DIPK2A: variants seen among roughly 807,000 people sequenced by gnomAD.
DIPK2A encodes the protein Golgi Protein of 49 kDa.
A neutral mutation model predicts 39.0 loss-of-function variants in DIPK2A; 27 were observed. The ratio of observed to expected loss-of-function variants is 0.69; its 90% confidence interval spans 0.51 to 0.96. The LOEUF is 0.96. Among genes scored for constraint, DIPK2A ranks in the 40% least tolerant of loss-of-function variants. The pLI, the probability that DIPK2A is intolerant of heterozygous loss-of-function variation, is 0.00. For missense variants in DIPK2A, 528 were observed against 571.3 expected, an observed-to-expected ratio of 0.92 and a Z score of 0.77; for synonymous variants, 298 against 240.8, an observed-to-expected ratio of 1.24 and a Z score of -2.20.
chr3:143,985,506 C>G (rs1293239068), intron 1 of DIPK2A, 37 bp from the exon 2 acceptor site: 1 of 1,553,064 alleles, frequency 6.4e-7, no homozygotes, highest in South Asian at 1.1e-5. Flanking sequence ...ATATTTTCAT[C>G]AGAATCTCTT....
intron 1 of DIPK2A, 93 bp downstream of exon 1, chr3:143,973,082 G>C: frequency 6.9e-7 from 1 of 1,451,780 alleles, no homozygotes. Context: ...CTTGCCGCCA[G>C]TTCGGACTCG....
intron 1 of DIPK2A, among the ~76,000 whole-genome samples, chr3:143,977,025 T>C (rs2087740384): frequency 2.6e-5 from 4 of 152,104 alleles, no homozygotes; most frequent in Non-Finnish European, 4.4e-5. Flanking sequence ...AACCATACTT[T>C]AGTTATACTG....
intron 1 of DIPK2A, among the ~76,000 whole-genome samples, chr3:143,980,184 G>A (rs1002192787): frequency 2.0e-5 from 3 of 152,082 alleles, no homozygotes; most frequent in Admixed American, 6.6e-5. Flanking sequence ...TATAACATGC[G>A]TTACTACAAT....
At chr3:143,985,264 T>C (rs138165154) in intron 1 of DIPK2A, among the ~76,000 whole-genome samples, 1 of 152,346 alleles carries the variant, frequency 6.6e-6, no homozygotes, top group East Asian at 1.9e-4. Flanking sequence ...AAAGACAGTG[T>C]CTTCCCTCTT....
chr3:143,974,948 C>T (rs564423782), intron 1 of DIPK2A, among the ~76,000 whole-genome samples: 140 of 152,144 alleles, frequency 9.2e-4, no homozygotes, highest in African/African-American at 3.3e-3. Flanking sequence ...GTCAAGTGTG[C>T]GTGTATCTTG....
chr3:143,976,353 G>T (rs1253580642), intron 1 of DIPK2A, among the ~76,000 whole-genome samples: 2 of 151,252 alleles, frequency 1.3e-5, no homozygotes, highest in African/African-American at 4.9e-5. Context: ...CAGGTATACT[G>T]TAATCCTATG....
chr3:143,989,149 C>T (rs945889430), intron 2 of DIPK2A, among the ~76,000 whole-genome samples: 21 of 152,168 alleles, frequency 1.4e-4, no homozygotes, highest in African/African-American at 5.1e-4. Flanking sequence ...TCTTTTAAGA[C>T]CTAAATCAGA....
intron 2 of DIPK2A, among the ~76,000 whole-genome samples, chr3:143,987,915 G>A (rs1234319749): frequency 6.6e-6 from 1 of 152,074 alleles, no homozygotes; most frequent in Non-Finnish European, 1.5e-5. Context: ...TCAACTTCTC[G>A]AAGTTGTTTC....
chr3:143,983,743 C>G (rs1487482267), intron 1 of DIPK2A, among the ~76,000 whole-genome samples: 1 of 152,000 alleles, frequency 6.6e-6, no homozygotes, highest in Non-Finnish European at 1.5e-5. Flanking sequence ...CACGAAAAAC[C>G]CTTAAAAAAA....
In DIPK2A at chr3:143,972,629, C is replaced by T. The variant is rs765494071; in HGVS notation, c.297C>T (p.Pro99=). 6.8e-6 allele frequency: 11 copies of T among 1,611,636 alleles called. No homozygotes were observed. In the South Asian group the frequency reaches 1.1e-4, roughly 16 times the overall value. The change falls in exon 1 of 3, where the codon CCC becomes CCT. Residue 99 remains proline, a synonymous_variant. Coordinates refer to ENST00000315691, the MANE Select transcript of DIPK2A (RefSeq NM_173552.5). ...TGTACTTCGCGCAGTACGGCGAGCCCCGCGAGGGCGGCCGCCGCCGAGTGG... is the reference window on the plus strand; with the variant it reads ...TGTACTTCGCGCAGTACGGCGAGCCTCGCGAGGGCGGCCGCCGCCGAGTGG... ...KNVYFAQYGE[P]REGGRRRVVL...
At chr3:143,978,692 A>ATC (rs2087785309) in intron 1 of DIPK2A, among the ~76,000 whole-genome samples, 2 of 136,658 alleles carry the variant, frequency 1.5e-5, no homozygotes, top group South Asian at 2.2e-4. Flanking sequence ...CTATATATAT[A>ATC]TATATATATA....
chr3:143,984,309 T>G (rs2087867745), intron 1 of DIPK2A, among the ~76,000 whole-genome samples: 1 of 152,068 alleles, frequency 6.6e-6, no homozygotes, highest in African/African-American at 2.4e-5. Flanking sequence ...CTTGGCTGTT[T>G]GGGTTAAGAA....
chr3:143,988,548 CCTT>C (rs2087938035), intron 2 of DIPK2A, among the ~76,000 whole-genome samples: 1 of 152,068 alleles, frequency 6.6e-6, no homozygotes, highest in Non-Finnish European at 1.5e-5. Context: ...AATGTCTCTT[CCTT>C]CTTCCCTATA....
At position 143,991,129 on chromosome 3, in the gene DIPK2A, AT is replaced by A. The variant is rs1296648761; in HGVS notation, c.*1289del. 3 of 152,662 alleles carry A rather than the reference AT, an allele frequency of 2.0e-5. No homozygotes were observed. Among genetic ancestry groups the A allele is most frequent in the Non-Finnish European group, 2.9e-5 (2 of 68,022 alleles). The allele number at this position is 152,662 out of a possible 1,614,324, so 9.5% of individuals were successfully genotyped here. A position where few individuals can be genotyped will look rare whatever the true frequency, so the allele number is the denominator to read the frequency against. On this transcript the variant is annotated 3_prime_UTR_variant, in exon 3 of 3. Transcript: ENST00000315691. ...GCATAGAAATGTGTGGGCTCTTTAT[AT>A]AAGTTGACTATCACTAACAGGTAAT...
intron 1 of DIPK2A, among the ~76,000 whole-genome samples, chr3:143,975,477 A>G (rs553126984): frequency 2.0e-5 from 3 of 152,192 alleles, no homozygotes; most frequent in Middle Eastern, 3.4e-3. Flanking sequence ...AAAACCACCA[A>G]AATGAAAGGT....
chr3:143,982,755 C>A (rs1032913635), intron 1 of DIPK2A, among the ~76,000 whole-genome samples: 2 of 152,080 alleles, frequency 1.3e-5, no homozygotes, highest in African/African-American at 4.8e-5. Flanking sequence ...ACAATATTAA[C>A]CTTAAATGTA....
intron 1 of DIPK2A, chr3:143,973,531 G>T: frequency 1.3e-6 from 2 of 1,551,618 alleles, no homozygotes; most frequent in Middle Eastern, 3.3e-4. Flanking sequence ...AAGTTGGGGA[G>T]GATGAAGTCG....
chr3:143,972,166 T>G lies in DIPK2A; in HGVS notation c.-167T>G. On this transcript the variant is annotated 5_prime_UTR_variant, in exon 1 of 3. Transcript: ENST00000315691. ...TCGCAGCCCGCTCAGGCCCGCGCCTTCCCGCTCCCCGTCTTCCTCTCTCAC... is the reference window on the plus strand; with the variant it reads ...TCGCAGCCCGCTCAGGCCCGCGCCTGCCCGCTCCCCGTCTTCCTCTCTCAC... 1.9e-6 allele frequency: 1 copy of G among 524,068 alleles called. No homozygotes were observed. The highest frequency in any genetic ancestry group is 3.0e-6 in the Non-Finnish European group (1 of 330,486). 32.5% of individuals were successfully genotyped at this position (524,068 alleles called of 1,614,324 possible).
At chr3:143,975,526 C>CAGT (rs1195012788) in intron 1 of DIPK2A, among the ~76,000 whole-genome samples, 2 of 152,018 alleles carry the variant, frequency 1.3e-5, no homozygotes, top group African/African-American at 2.4e-5. Flanking sequence ...AGTTGCTGTA[C>CAGT]AGTAAGTCAA....
Sources: gnomAD v4.1 joint callset for allele counts (sites outside exome capture counted in the v4.1 genomes callset) on GRCh38, gnomAD v4.1.1 for gene constraint, MANE v1.5 for transcripts, NCBI Gene and HGNC (gene_info 2026-07-23, HGNC 2026-07-21) for gene names.